The following ABI3BP variants were observed in gnomAD, a reference collection of about 807,000 sequenced individuals.
The protein encoded by ABI3BP is ABI family member 3 binding protein, also known as target of Nesh-SH3.
Under a neutral mutation model 268.6 loss-of-function variants are expected in ABI3BP, and 216 were observed. The ratio of observed to expected loss-of-function variants is 0.80; its 90% confidence interval spans 0.72 to 0.90. The LOEUF (loss-of-function observed/expected upper bound fraction) is 0.90, where lower values mean the gene tolerates loss of function less well. Ranked by LOEUF, ABI3BP falls within the 40% of genes least tolerant of loss-of-function variation. The pLI is 0.00. For synonymous variants in ABI3BP, 730 were observed against 730.0 expected (o/e 1.00, Z 0.00); for missense variants, 2,090 against 2,182.4 (o/e 0.96, Z 0.84).
intron 58 of ABI3BP, 134 bp from the exon 59 acceptor site, chr3:100,778,510 A>C: frequency 1.4e-6 from 1 of 736,914 alleles, no homozygotes; most frequent in Non-Finnish European, 2.2e-6. Context: ...TAGATTCTAC[A>C]GAAAAGTGCA....
chr3:100,990,101 C>G (rs2153990524), intron 1 of ABI3BP, among the ~76,000 whole-genome samples: 1 of 152,308 alleles, frequency 6.6e-6, no homozygotes, highest in East Asian at 1.9e-4. Context: ...CCACGTAGAA[C>G]AACACTGCAG....
intron 4 of ABI3BP, among the ~76,000 whole-genome samples, chr3:100,891,992 T>A (rs4928057): frequency 0.43 from 65,071 of 152,144 alleles, 15,944 homozygotes; most frequent in South Asian, 0.58. Flanking sequence ...GCATTTTAAA[T>A]CCCATTCCAT....
At chr3:100,848,759 T>C (rs1044976990) in intron 18 of ABI3BP, 42 bp downstream of exon 18, 4 of 1,570,722 alleles carry the variant, frequency 2.5e-6, no homozygotes, top group Non-Finnish European at 3.5e-6. Flanking sequence ...GGACATTGTC[T>C]ATCTGGAATT....
intron 59 of ABI3BP, among the ~76,000 whole-genome samples, chr3:100,776,756 A>G (rs1352361372): frequency 1.3e-5 from 2 of 152,154 alleles, no homozygotes. Flanking sequence ...AGTGGAATGT[A>G]TTTACAGTTC....
intron 59 of ABI3BP, among the ~76,000 whole-genome samples, chr3:100,777,440 C>G (rs1197618928): frequency 1.3e-5 from 2 of 152,098 alleles, no homozygotes; most frequent in Non-Finnish European, 2.9e-5. Context: ...CATCAAATAT[C>G]CTCTAAGTGC....
At chr3:100,986,377 C>A (rs571941350) in intron 1 of ABI3BP, among the ~76,000 whole-genome samples, 6 of 152,332 alleles carry the variant, frequency 3.9e-5, no homozygotes, top group South Asian at 4.1e-4. Context: ...CCAGCTAAAC[C>A]AGGCTCAGAC....
In ABI3BP at chr3:100,830,564, T is replaced by C; in HGVS notation, c.2458+14A>G. Reference sequence around the variant, plus strand: ...CAGGAGAGGCAGATGTTGATGGACATAATGTGCCATTACCTGCTGTTGTCC... The same window carrying C: ...CAGGAGAGGCAGATGTTGATGGACACAATGTGCCATTACCTGCTGTTGTCC... On this transcript the variant is annotated intron_variant, in intron 32 of 67. Transcript: ENST00000471714. 1 of 1,533,228 alleles carries C rather than the reference T, an allele frequency of 6.5e-7. No individual in the cohort carries two copies. The allele number at this position is 1,533,228 out of a possible 1,614,324, so 95.0% of individuals were successfully genotyped here.
intron 2 of ABI3BP, among the ~76,000 whole-genome samples, chr3:100,918,885 T>C (rs1439184261): frequency 1.3e-5 from 2 of 152,184 alleles, no homozygotes; most frequent in East Asian, 3.9e-4. Flanking sequence ...CTTCAAATCC[T>C]TTACCTGCCA....
intron 14 of ABI3BP, among the ~76,000 whole-genome samples, chr3:100,856,735 G>T (rs1468777322): frequency 6.6e-6 from 1 of 152,118 alleles, no homozygotes; most frequent in East Asian, 1.9e-4. Context: ...AACACTTATG[G>T]CATTATCAAA....
rs2065897768 is a variant in ABI3BP at position 100,935,887 on chromosome 3, T to C, written c.80-9406A>G. Among the ~76,000 whole-genome samples, 2 of 152,146 alleles carry C rather than the reference T, an allele frequency of 1.3e-5. 1 individual carries two copies. The highest frequency in any genetic ancestry group is 4.1e-4 in the South Asian group (2 of 4,832). The stretch of plus-strand genomic sequence containing the variant: ...TTAAGGAGATTTTGGGCTGAGATGA[T>C]GGGGTTTTCTAAATATACAATCATG... On this transcript the variant is annotated intron_variant, in intron 1 of 67. Coordinates refer to ENST00000471714, the MANE Select transcript of ABI3BP (RefSeq NM_001375547.2).
intron 62 of ABI3BP, among the ~76,000 whole-genome samples, chr3:100,769,648 G>A (rs2096477792): frequency 2.0e-5 from 3 of 152,154 alleles, no homozygotes; most frequent in Non-Finnish European, 4.4e-5. Context: ...TATATGAAGA[G>A]TTTTAGACAT....
chr3:100,893,291 G>A (rs1303944058), intron 4 of ABI3BP, among the ~76,000 whole-genome samples: 9 of 152,090 alleles, frequency 5.9e-5, no homozygotes, highest in African/African-American at 1.4e-4. Flanking sequence ...GTTTTGGGAC[G>A]CGGACTGGCT....
Position 100,862,897 on chromosome 3 carries a change from A to C in ABI3BP, c.1151T>G (p.Leu384Arg). ...LPLSTLAPKSLPEFPEAKTPF... is the reference protein window; with the variant it reads ...LPLSTLAPKSRPEFPEAKTPF... Reference sequence around the variant, plus strand: ...TGTTTTTGCCTCAGGAAATTCTGGAAGGCTTTTTGGAGCTGTAATGAAACA... The same window carrying C: ...TGTTTTTGCCTCAGGAAATTCTGGACGGCTTTTTGGAGCTGTAATGAAACA... Residue 384 changes from leucine (L) to arginine (R), a missense_variant, in exon 13 of 68, where the codon CTT (leucine) becomes CGT (arginine). Coordinates refer to ENST00000471714, the MANE Select transcript of ABI3BP (RefSeq NM_001375547.2). The C allele has an allele frequency of 6.5e-7, 1 of 1,535,752 alleles. No individual in the cohort carries two copies. The highest frequency in any genetic ancestry group is 1.2e-5 in the South Asian group (1 of 84,044).
At chr3:100,841,197 T>G (rs1430714745) in intron 21 of ABI3BP, among the ~76,000 whole-genome samples, 1 of 68,154 alleles carries the variant, frequency 1.5e-5, no homozygotes, top group African/African-American at 7.2e-5. Flanking sequence ...TAGAACACTT[T>G]TTTTTTTTTT....
chr3:100,920,297 C>T (rs2059851804), intron 2 of ABI3BP, among the ~76,000 whole-genome samples: 1 of 152,192 alleles, frequency 6.6e-6, no homozygotes, highest in African/African-American at 2.4e-5. Flanking sequence ...TAGTTATTAG[C>T]AATTGAGACA....
intron 6 of ABI3BP, among the ~76,000 whole-genome samples, chr3:100,881,694 A>C (rs555236953): frequency 6.6e-6 from 1 of 151,892 alleles, no homozygotes; most frequent in Non-Finnish European, 1.5e-5. Flanking sequence ...AAGCACAAGC[A>C]TCATGATAAA....
intron 20 of ABI3BP, 120 bp downstream of exon 20, chr3:100,846,250 CTT>C: frequency 1.4e-6 from 1 of 726,212 alleles, no homozygotes; most frequent in South Asian, 2.1e-5. Context: ...CATGCTTACA[CTT>C]TTCATGGAAA....
chr3:100,935,497 T>A (rs1331197441), intron 1 of ABI3BP, among the ~76,000 whole-genome samples: 1 of 152,182 alleles, frequency 6.6e-6, no homozygotes, highest in African/African-American at 2.4e-5. Context: ...GAAAGTAGTT[T>A]TTTCCAATTC....
At position 100,759,955 on chromosome 3, in the gene ABI3BP, GA is replaced by G. The variant is rs1553745262; in HGVS notation, c.4851-5265del. Among the ~76,000 whole-genome samples, 4 of 152,218 alleles carry G rather than the reference GA, an allele frequency of 2.6e-5. No homozygotes were observed. The South Asian group carries it at 6.2e-4, about 24-fold the overall frequency. ...GACTAGAATTTCGCAGAAACACTAT[GA>G]AAAGGGTATAATGGCTATTCCACAT... On this transcript the variant is annotated intron_variant, in intron 63 of 67. Coordinates refer to ENST00000471714, the MANE Select transcript of ABI3BP (RefSeq NM_001375547.2).
Sources: allele counts gnomAD v4.1 joint callset (sites outside exome capture counted in the v4.1 genomes callset), GRCh38; gene constraint gnomAD v4.1.1; transcripts MANE v1.5; gene names NCBI Gene and HGNC (gene_info 2026-07-23, HGNC 2026-07-21).